Variants in KCNS3 observed in about 807,000 individuals in gnomAD.
KCNS3 encodes the protein delayed-rectifier potassium channel regulatory subunit KCNS3.
In KCNS3, 13 loss-of-function variants were observed where a neutral mutation model predicts 31.0. That is an observed-to-expected ratio of 0.42 (90% CI 0.27 to 0.67). KCNS3 has a LOEUF of 0.67. Among genes scored for constraint, KCNS3 ranks in the 30% least tolerant of loss-of-function variants. The pLI, the probability that KCNS3 is intolerant of heterozygous loss-of-function variation, is 0.25. For synonymous variants in KCNS3, 238 were observed against 241.5 expected (o/e 0.99, Z 0.13); for missense variants, 545 against 622.4 (o/e 0.88, Z 1.32).
chr2:17,915,999 G>A (rs1312237533), intron 1 of KCNS3, among the ~76,000 whole-genome samples: 5 of 151,792 alleles, frequency 3.3e-5, no homozygotes, highest in Admixed American at 3.3e-4. Flanking sequence ...GGATACACTT[G>A]GCTAACCTCT....
intron 2 of KCNS3, among the ~76,000 whole-genome samples, chr2:17,928,537 C>T (rs1179776951): frequency 1.3e-5 from 2 of 152,106 alleles, no homozygotes; most frequent in African/African-American, 4.8e-5. Flanking sequence ...AAAGTACTTT[C>T]ATTTTTTCTT....
chr2:17,895,839 G>A (rs1027586558), intron 1 of KCNS3, among the ~76,000 whole-genome samples: 1 of 152,188 alleles, frequency 6.6e-6, no homozygotes, highest in African/African-American at 2.4e-5. Flanking sequence ...GAACAGCTTC[G>A]ATGAGGTTTG....
At chr2:17,887,300 T>C (rs1661687506) in intron 1 of KCNS3, among the ~76,000 whole-genome samples, 2 of 152,166 alleles carry the variant, frequency 1.3e-5, no homozygotes, top group South Asian at 4.1e-4. Context: ...CCAAAGTCCA[T>C]TGTATCATTC....
At chr2:17,925,066 A>C (rs1407889339) in intron 2 of KCNS3, among the ~76,000 whole-genome samples, 2 of 152,206 alleles carry the variant, frequency 1.3e-5, no homozygotes, top group African/African-American at 4.8e-5. Flanking sequence ...TAGTTTGTGT[A>C]GATCATCTCT....
chr2:17,900,790 GT>G (rs771258517), intron 1 of KCNS3, among the ~76,000 whole-genome samples: 7 of 152,078 alleles, frequency 4.6e-5, no homozygotes, highest in Non-Finnish European at 8.8e-5. Context: ...GCGTCTGGCT[GT>G]TTTTCACTAA....
chr2:17,919,445 C>T (rs941488092), intron 2 of KCNS3: 4 of 152,176 alleles, frequency 2.6e-5, no homozygotes, highest in Non-Finnish European at 5.9e-5. Flanking sequence ...GAAGACTTCA[C>T]CTGCCCAAGG....
At position 17,931,890 on chromosome 2, in the gene KCNS3, T is replaced by A; in HGVS notation, c.882T>A (p.Leu294=). ...GCAAGGTGGTCCAGATCCTACGGCT[T>A]ATGAGGATTTTCCGAATTCTAAAGC... ...NMGKVVQILR[L]MRIFRILKLA... Residue 294 remains leucine (L), a synonymous_variant, in exon 3 of 3, where the codon CTT becomes CTA. Transcript: ENST00000304101. This position sits in a 1 kb window ranked among gnomAD's most constrained non-coding sequence, Gnocchi z 5.4. 1 of 1,614,084 alleles carries A rather than the reference T, an allele frequency of 6.2e-7. No homozygotes were observed. Among genetic ancestry groups the A allele is most frequent in the Non-Finnish European group, 8.5e-7 (1 of 1,179,988 alleles).
intron 1 of KCNS3, among the ~76,000 whole-genome samples, chr2:17,916,980 A>C (rs1209943631): frequency 6.6e-6 from 1 of 152,160 alleles, no homozygotes; most frequent in Non-Finnish European, 1.5e-5. Flanking sequence ...GCATGAGGCA[A>C]GGCTTACCTG....
At chr2:17,929,405 AG>A (rs1662906276) in intron 2 of KCNS3, among the ~76,000 whole-genome samples, 1 of 152,142 alleles carries the variant, frequency 6.6e-6, no homozygotes, top group Non-Finnish European at 1.5e-5. Context: ...GAGAGAGTGA[AG>A]GGGGAGATGC....
intron 1 of KCNS3, among the ~76,000 whole-genome samples, chr2:17,890,731 G>A (rs1298936320): frequency 6.6e-6 from 1 of 152,088 alleles, no homozygotes; most frequent in South Asian, 2.1e-4. Context: ...GTATTTGCAT[G>A]GTTTTGAAGT....
At position 17,884,021 on chromosome 2, in the gene KCNS3, C is replaced by G. The variant is rs185732447; in HGVS notation, c.-252+5215C>G. On this transcript the variant is annotated intron_variant, in intron 1 of 2. Coordinates refer to ENST00000304101, the MANE Select transcript of KCNS3 (RefSeq NM_002252.5). ...TATCGCAAGGACAAAAAACCAAACA[C>G]TGCATGTTCTCACTCATAGGTGGGA... is the stretch of plus-strand genomic sequence containing the variant. 1.1e-3 allele frequency among the ~76,000 whole-genome samples: 157 copies of G among 143,996 alleles called. 2 individuals are homozygous for G. In the East Asian group the frequency reaches 0.028, roughly 26 times the overall value. The allele number at this position is 143,996 out of a possible 152,430, so 94.5% of individuals were successfully genotyped here. A position where few individuals can be genotyped will look rare whatever the true frequency, so the allele number is the denominator to read the frequency against.
chr2:17,900,358 G>A (rs182881406), intron 1 of KCNS3, among the ~76,000 whole-genome samples: 54 of 152,264 alleles, frequency 3.5e-4, no homozygotes, highest in African/African-American at 1.2e-3. Context: ...TTTGAGGTAG[G>A]GAGAGGTCTG....
intron 1 of KCNS3, among the ~76,000 whole-genome samples, chr2:17,914,941 T>C (rs1036101180): frequency 1.7e-4 from 26 of 152,236 alleles, no homozygotes; most frequent in Admixed American, 3.9e-4. Flanking sequence ...GGAGTCATTC[T>C]CACTCATGTG....
rs200564682 is a variant in KCNS3 at position 17,887,539 on chromosome 2, C to CTA, written c.-252+8743_-252+8744dup. On this transcript the variant is annotated intron_variant, in intron 1 of 2. Transcript: ENST00000304101. ...TCTATCTATCTATCTATCTCTGTAT[C>CTA]TATATATATATCACAGTTTCTTTAT... 6.9e-3 allele frequency among the ~76,000 whole-genome samples: 1,038 copies of CTA among 149,558 alleles called. 8 individuals carry two copies. Among genetic ancestry groups the CTA allele is most frequent in the South Asian group, 0.035 (165 of 4,734 alleles).
At chr2:17,882,858 C>T (rs1174591845) in intron 1 of KCNS3, among the ~76,000 whole-genome samples, 2 of 152,044 alleles carry the variant, frequency 1.3e-5, no homozygotes. Context: ...CATATCTGCA[C>T]ATTATACTTT....
chr2:17,898,470 T>C (rs1662084292), intron 1 of KCNS3, among the ~76,000 whole-genome samples: 1 of 152,214 alleles, frequency 6.6e-6, no homozygotes, highest in Non-Finnish European at 1.5e-5. Context: ...GGGCCCTGAC[T>C]CCTGCCTGTT....
Position 17,931,522 on chromosome 2 carries a change from T to C in KCNS3, c.514T>C (p.Trp172Arg), listed in dbSNP as rs1337737942. 1 of 1,614,052 alleles carries C rather than the reference T, an allele frequency of 6.2e-7. No homozygotes were observed. The highest frequency in any genetic ancestry group is 1.3e-5 in the African/African-American group (1 of 74,928). Residue 172 changes from tryptophan to arginine, a missense_variant, in exon 3 of 3, where the codon TGG becomes CGG. By Grantham distance (101) the Trp-to-Arg change is moderately radical. Transcript: ENST00000304101. This position sits in a 1 kb window ranked among gnomAD's most constrained non-coding sequence, Gnocchi z 5.4. ...ATTTGGTCAGCTCCGGAAGAAAATC[T>C]GGATTAGAATGGAGAATCCAGCGTA... ...LRFGQLRKKI[W>R]IRMENPAYCL...
chr2:17,931,562 A>C lies in KCNS3; in HGVS notation c.554A>C (p.Lys185Thr), dbSNP rs1662972729. 6.2e-7 allele frequency: 1 copy of C among 1,614,182 alleles called. No homozygotes were observed. Among genetic ancestry groups the C allele is most frequent in the Non-Finnish European group, 8.5e-7 (1 of 1,180,024 alleles). ...MENPAYCLSA[K>T]LIAISSLSVV... ...AATCCAGCGTACTGCCTGTCCGCTAAGCTTATCGCTATCTCCTCCTTGAGC... is the reference window on the plus strand; with the variant it reads ...AATCCAGCGTACTGCCTGTCCGCTACGCTTATCGCTATCTCCTCCTTGAGC... The change falls in exon 3 of 3, where the codon AAG (lysine) becomes ACG (threonine). Residue 185 changes from lysine to threonine, a missense_variant. Lys to Thr is a moderately conservative substitution (Grantham distance 78). Coordinates refer to ENST00000304101, the MANE Select transcript of KCNS3 (RefSeq NM_002252.5). The surrounding 1 kb of genome is among the most constrained non-coding windows in gnomAD (Gnocchi z 5.4).
At chr2:17,912,307 G>C (rs116443819) in intron 1 of KCNS3, among the ~76,000 whole-genome samples, 82 of 152,348 alleles carry the variant, frequency 5.4e-4, no homozygotes, top group African/African-American at 1.9e-3. Context: ...CTCCAAAGCT[G>C]CTTGCTTTCA....
Sources: allele counts gnomAD v4.1 joint callset (sites outside exome capture counted in the v4.1 genomes callset), GRCh38; gene constraint gnomAD v4.1.1; non-coding constraint Gnocchi (gnomAD v3.1); transcripts MANE v1.5; gene names NCBI Gene and HGNC (gene_info 2026-07-23, HGNC 2026-07-21).